The following TRMT2B variants were observed in gnomAD, a reference collection of about 807,000 sequenced individuals.
The protein encoded by TRMT2B is tRNA methyltransferase 2B, also known as tRNA (uracil-5-)-methyltransferase homolog B.
Under a neutral mutation model 39.7 loss-of-function variants are expected in TRMT2B, and 34 were observed. That is an observed-to-expected ratio of 0.86 (90% confidence interval 0.65 to 1.14). TRMT2B has a LOEUF of 1.14. Ranked by LOEUF, TRMT2B falls within the 50% of genes most tolerant of loss-of-function variation. The pLI is 0.00. For missense variants in TRMT2B, 318 were observed against 377.2 expected (o/e 0.84, Z 1.30); for synonymous variants, 132 against 137.3 (o/e 0.96, Z 0.27).
At chrX:101,022,131 T>A in intron 8 of TRMT2B, 69 bp from the exon 9 acceptor site, 1 of 760,708 alleles carries the variant, frequency 1.3e-6, no homozygotes, top group Non-Finnish European at 2.0e-6. Flanking sequence ...CTAAGCTCTA[T>A]AGTAATCAGC....
Position 101,032,599 on chromosome X carries a change from A to G in TRMT2B, c.609+3014T>C, listed in dbSNP as rs1414104163. 7.5e-5 allele frequency among the ~76,000 whole-genome samples: 8 copies of G among 106,034 alleles called. No homozygotes were observed. In the East Asian group the frequency reaches 2.1e-3, roughly 27 times the overall value. 92.1% of individuals were successfully genotyped at this position (106,034 alleles called of 115,157 possible). On this transcript the variant is annotated intron_variant, in intron 7 of 13. Transcript: ENST00000372936. ...GAGACTCCATCTCAAAAAAATAAAT[A>G]AATAAATAAAATAAAATATAAAAAA...
At chrX:101,049,486 CCAAAAAAAAAAAA>C (rs2088912155) in intron 2 of TRMT2B, among the ~76,000 whole-genome samples, 1 of 43,028 alleles carries the variant, frequency 2.3e-5, no homozygotes, top group Non-Finnish European at 3.8e-5. Flanking sequence ...GACCCTGTCT[CCAAAAAAAAAAAA>C]AAAAAAAAAA....
At chrX:101,040,201 G>A (rs931769382) in intron 4 of TRMT2B, among the ~76,000 whole-genome samples, 49 of 107,593 alleles carry the variant, frequency 4.6e-4, no homozygotes, top group African/African-American at 1.6e-3. Context: ...GGCTGAGGCA[G>A]GAGAATCACT....
the TRMT2B span, among the ~76,000 whole-genome samples, chrX:100,992,525 G>C: frequency 2.7e-5 from 3 of 111,289 alleles, no homozygotes; most frequent in Non-Finnish European, 5.7e-5. Context: ...AGGTTGCAGT[G>C]AGCCGAGATT....
At chrX:100,994,695 G>A in the TRMT2B span, among the ~76,000 whole-genome samples, 1 of 111,904 alleles carries the variant, frequency 8.9e-6, no homozygotes, top group Admixed American at 9.5e-5. Context: ...GTTGGAGCAT[G>A]GAAACCAGTA....
chrX:101,004,756 C>A (rs1454079648), downstream of TRMT2B, among the ~76,000 whole-genome samples: 3 of 111,186 alleles, frequency 2.7e-5, no homozygotes, highest in African/African-American at 9.8e-5. Context: ...CCGCCTCGGC[C>A]TCCTAAAGTG....
the TRMT2B span, among the ~76,000 whole-genome samples, chrX:100,999,389 C>T: frequency 8.9e-6 from 1 of 112,484 alleles, no homozygotes; most frequent in Admixed American, 9.5e-5. Context: ...ATGGGCATGC[C>T]ATTTTGAAAT....
chrX:100,994,494 G>T, the TRMT2B span, among the ~76,000 whole-genome samples: 1 of 111,501 alleles, frequency 9.0e-6, no homozygotes, highest in African/African-American at 3.3e-5. Flanking sequence ...CTATGAATAG[G>T]TAGAGAGGTC....
intron 2 of TRMT2B, among the ~76,000 whole-genome samples, chrX:101,048,525 C>T (rs1332353229): frequency 8.9e-6 from 1 of 112,278 alleles, no homozygotes; most frequent in Non-Finnish European, 1.9e-5. Context: ...CCGCAACCTC[C>T]GCTGCCTGTG....
At chrX:101,016,564 C>T (rs1238293337) in intron 13 of TRMT2B, among the ~76,000 whole-genome samples, 1 of 109,082 alleles carries the variant, frequency 9.2e-6, no homozygotes, top group African/African-American at 3.4e-5. Flanking sequence ...GCAGCCTTGA[C>T]CTCCTGGATT....
the TRMT2B span, among the ~76,000 whole-genome samples, chrX:100,997,159 G>A: frequency 9.0e-6 from 1 of 111,643 alleles, no homozygotes; most frequent in Non-Finnish European, 1.9e-5. Context: ...TCTCTCCCTC[G>A]AGATGTGGCC....
At chrX:101,043,954 G>A (rs1244908241) in intron 2 of TRMT2B, among the ~76,000 whole-genome samples, 1 of 112,189 alleles carries the variant, frequency 8.9e-6, no homozygotes, top group Non-Finnish European at 1.9e-5. Context: ...CTGATAAAAA[G>A]CAAGTTCGGC....
intron 7 of TRMT2B, among the ~76,000 whole-genome samples, chrX:101,028,647 T>C (rs898466646): frequency 8.9e-6 from 1 of 112,044 alleles, no homozygotes; most frequent in African/African-American, 3.2e-5. Flanking sequence ...AATCATATCA[T>C]GACATTCCTC....
At chrX:100,991,852 C>CA in the TRMT2B span, among the ~76,000 whole-genome samples, 126 of 109,680 alleles carry the variant, frequency 1.1e-3, no homozygotes, top group African/African-American at 3.7e-3. Context: ...TGGGAGCTTA[C>CA]AAAAAAAGTG....
At position 101,023,372 on chromosome X, in the gene TRMT2B, C is replaced by T. The variant is rs752362052; in HGVS notation, c.756+98G>A. 2.1e-4 allele frequency: 185 copies of T among 871,105 alleles called. 3 individuals are homozygous for T. The highest frequency in any genetic ancestry group is 3.2e-5 in the Non-Finnish European group (19 of 603,006). The allele number at this position is 871,105 out of a possible 1,213,427, so 71.8% of individuals were successfully genotyped here. ...TTGACACAAATATTCTGTGGATGTA[C>T]TGTTTCTGCTATATGCCCTGAAACT... On this transcript the variant is annotated intron_variant, in intron 8 of 13. Transcript: ENST00000372936.
the TRMT2B span, among the ~76,000 whole-genome samples, chrX:101,002,717 T>C: frequency 7.5e-5 from 8 of 106,071 alleles, no homozygotes; most frequent in African/African-American, 2.8e-4. Context: ...AGGCAGAGGT[T>C]GCAGTAAGCC....
intron 13 of TRMT2B, among the ~76,000 whole-genome samples, chrX:101,015,202 G>C (rs2148000036): frequency 9.0e-6 from 1 of 111,309 alleles, no homozygotes; most frequent in Non-Finnish European, 1.9e-5. Context: ...GTTAAATATT[G>C]CAATGAGTAA....
chrX:101,033,150 GGAGGCT>G (rs1285382426), intron 7 of TRMT2B, among the ~76,000 whole-genome samples: 1 of 107,057 alleles, frequency 9.3e-6, no homozygotes, highest in Non-Finnish European at 1.9e-5. Context: ...CAGCTACTTG[GGAGGCT>G]GAGGCAGGAG....
At chrX:101,041,500 A>G in intron 3 of TRMT2B, 129 bp from the exon 4 acceptor site, 1 of 587,313 alleles carries the variant, frequency 1.7e-6, no homozygotes, top group Non-Finnish European at 2.7e-6. Flanking sequence ...AGAAGAGCCC[A>G]TTTTGATGTT....
Sources: gnomAD v4.1 joint callset for allele counts (sites outside exome capture counted in the v4.1 genomes callset) on GRCh38, gnomAD v4.1.1 for gene constraint, MANE v1.5 for transcripts, NCBI Gene and HGNC (gene_info 2026-07-23, HGNC 2026-07-21) for gene names.